The following CTSS variants were observed in gnomAD, a reference collection of about 807,000 sequenced individuals.
The protein encoded by CTSS is cathepsin S.
Under a neutral mutation model 39.9 loss-of-function variants are expected in CTSS, and 15 were observed. That is an observed-to-expected ratio of 0.38 (90% CI 0.25 to 0.58). The LOEUF is 0.58. Among genes scored for constraint, CTSS ranks in the 20% least tolerant of loss-of-function variants. CTSS has a pLI of 0.70. For synonymous variants in CTSS, 126 were observed against 138.2 expected, an observed-to-expected ratio of 0.91 and a Z score of 0.62; for missense variants, 250 against 398.2, an observed-to-expected ratio of 0.63 and a Z score of 3.17.
chr1:150,762,782 G>A (rs189462755), intron 2 of CTSS, among the ~76,000 whole-genome samples: 27 of 152,280 alleles, frequency 1.8e-4, no homozygotes, highest in African/African-American at 6.5e-4. Flanking sequence ...AAGTGTTGGT[G>A]AGGATGTGGA....
At chr1:150,739,129 A>C (rs1488679486) in intron 7 of CTSS, among the ~76,000 whole-genome samples, 2 of 152,304 alleles carry the variant, frequency 1.3e-5, no homozygotes, top group Admixed American at 6.5e-5. Context: ...TGGGAGGCAG[A>C]GGTTTCAGTG....
At chr1:150,764,515 G>A (rs1467578358) in intron 2 of CTSS, 123 bp downstream of exon 2, 1 of 1,327,026 alleles carries the variant, frequency 7.5e-7, no homozygotes, top group Non-Finnish European at 1.0e-6. Flanking sequence ...TAGGATTACA[G>A]GCGCGAGCCA....
rs960170916 is a variant in CTSS at position 150,765,680 on chromosome 1, A to T, written c.-2+18T>A. ...TGTTTGAAGACCAAATGGGAGAAAA[A>T]GAACAAAGAGTACATACGTGATAGA... On this transcript the variant is annotated intron_variant, in intron 1 of 7. Transcript: ENST00000368985. The T allele has an allele frequency of 1.3e-5, 2 of 152,240 alleles. No individual in the cohort carries two copies. Among genetic ancestry groups the T allele is most frequent in the Non-Finnish European group, 2.9e-5 (2 of 68,040 alleles). The allele number at this position is 152,240 out of a possible 1,614,324, so 9.4% of individuals were successfully genotyped here.
In CTSS at chr1:150,764,662, G is replaced by A. The variant is rs1418878735; in HGVS notation, c.102C>T (p.Thr34=). The change falls in exon 2 of 8, where the codon ACC becomes ACT. Residue 34 remains threonine, a synonymous_variant. Coordinates refer to ENST00000368985, the MANE Select transcript of CTSS (RefSeq NM_004079.5). The stretch of plus-strand genomic sequence containing the variant: ...CCTTTTCCTTGTATTGTTTGCCATA[G>A]GTTTTCTTCCAGAGATGCCAGTGGT... ...LDHHWHLWKK[T]YGKQYKEKNE... 1 of 1,614,142 alleles carries A rather than the reference G, an allele frequency of 6.2e-7. No homozygotes were observed. The highest frequency in any genetic ancestry group is 2.2e-5 in the East Asian group (1 of 44,882).
At chr1:150,752,071 C>T (rs1653019647) in intron 4 of CTSS, 63 bp from the exon 5 acceptor site, 2 of 1,549,828 alleles carry the variant, frequency 1.3e-6, no homozygotes, top group Non-Finnish European at 1.8e-6. Flanking sequence ...ACTTCCATAA[C>T]CCAAACTGGA....
chr1:150,744,537 ATATAT>A (rs1449656786), intron 7 of CTSS, among the ~76,000 whole-genome samples: 1 of 111,630 alleles, frequency 9.0e-6, no homozygotes, highest in Non-Finnish European at 1.7e-5. Context: ...TGTATACATA[ATATAT>A]TATATATTAT....
chr1:150,738,014 G>A (rs779271341), intron 7 of CTSS, among the ~76,000 whole-genome samples: 1 of 152,204 alleles, frequency 6.6e-6, no homozygotes, highest in Non-Finnish European at 1.5e-5. Flanking sequence ...GGCAGGCTAA[G>A]GCCAGATAAT....
chr1:150,753,012 G>C (rs1345122656), intron 4 of CTSS, among the ~76,000 whole-genome samples: 2 of 151,690 alleles, frequency 1.3e-5, no homozygotes, highest in Admixed American at 1.3e-4. Context: ...CACCATGCCT[G>C]GCTAATTTTT....
At chr1:150,739,892 C>T (rs587712638) in intron 7 of CTSS, among the ~76,000 whole-genome samples, 4 of 128,246 alleles carry the variant, frequency 3.1e-5, no homozygotes, top group South Asian at 3.1e-4. Flanking sequence ...AATAACCTGC[C>T]GAAGTTCTTC....
At chr1:150,741,570 G>A (rs1652756783) in intron 7 of CTSS, among the ~76,000 whole-genome samples, 1 of 152,146 alleles carries the variant, frequency 6.6e-6, no homozygotes, top group African/African-American at 2.4e-5. Flanking sequence ...TAGATTCCAA[G>A]AAATAAAAGT....
At position 150,757,868 on chromosome 1, in the gene CTSS, A is replaced by T; in HGVS notation, c.239T>A (p.Leu80Gln). The change falls in exon 3 of 8, where the codon CTG becomes CAG. Residue 80 changes from leucine (L) to glutamine (Q), a missense_variant. By Grantham distance (113) the Leu-to-Gln change is moderately radical. Transcript: ENST00000368985. ...TTGTAATGTACCTACCATGTCTCCC[A>T]GGTGGTTCATGCCCAGATCGTATGA... The part of the protein sequence containing the change: ...MHSYDLGMNH[L>Q]GDMTSEEVMS... 1 of 1,613,792 alleles carries T rather than the reference A, an allele frequency of 6.2e-7. No homozygotes were observed. Among genetic ancestry groups the T allele is most frequent in the Non-Finnish European group, 8.5e-7 (1 of 1,179,782 alleles).
At chr1:150,763,342 A>G (rs986042162) in intron 2 of CTSS, among the ~76,000 whole-genome samples, 1 of 152,140 alleles carries the variant, frequency 6.6e-6, no homozygotes, top group Non-Finnish European at 1.5e-5. Context: ...GTTTCATTTG[A>G]CAAGAAGACT....
At chr1:150,764,531 C>G in intron 2 of CTSS, 107 bp downstream of exon 2, 1 of 1,475,326 alleles carries the variant, frequency 6.8e-7, no homozygotes, top group Admixed American at 1.7e-5. Context: ...AGCCACCACA[C>G]CCAGCTTAAA....
chr1:150,754,257 G>A (rs1653069366), intron 4 of CTSS, among the ~76,000 whole-genome samples: 1 of 149,376 alleles, frequency 6.7e-6, no homozygotes, highest in Non-Finnish European at 1.5e-5. Context: ...GGGATTACAG[G>A]CGCCCACCAC....
At chr1:150,750,209 A>ATCAT in intron 5 of CTSS, 38 bp from the exon 6 acceptor site, 2 of 1,515,210 alleles carry the variant, frequency 1.3e-6, no homozygotes, top group Non-Finnish European at 1.8e-6. Flanking sequence ...AGTATACTTC[A>ATCAT]ACTCCTGTAT....
At chr1:150,765,088 T>TC (rs1653343467) in intron 1 of CTSS, among the ~76,000 whole-genome samples, 1 of 129,856 alleles carries the variant, frequency 7.7e-6, no homozygotes, top group Admixed American at 8.2e-5. Flanking sequence ...AGGAAATCTC[T>TC]TTCTCTCTCT....
intron 2 of CTSS, 41 bp from the exon 3 acceptor site, chr1:150,758,021 G>T: frequency 6.4e-7 from 1 of 1,572,238 alleles, no homozygotes; most frequent in South Asian, 1.2e-5. Flanking sequence ...ACTGCATCCT[G>T]GACAAATAAG....
intron 2 of CTSS, 44 bp downstream of exon 2, chr1:150,764,594 G>A (rs1653328311): frequency 6.2e-7 from 1 of 1,610,942 alleles, no homozygotes; most frequent in African/African-American, 1.3e-5. Flanking sequence ...GTAGAAAACA[G>A]TACTCCTTTA....
intron 4 of CTSS, 99 bp from the exon 5 acceptor site, chr1:150,752,107 C>T: frequency 1.7e-6 from 2 of 1,206,670 alleles, no homozygotes; most frequent in Non-Finnish European, 2.3e-6. Flanking sequence ...TCAGTTCTGT[C>T]CCTAGTTCCC....
Sources: gnomAD v4.1 joint callset for allele counts (sites outside exome capture counted in the v4.1 genomes callset) on GRCh38, gnomAD v4.1.1 for gene constraint, MANE v1.5 for transcripts, NCBI Gene and HGNC (gene_info 2026-07-23, HGNC 2026-07-21) for gene names.